The following NUP214 variants were observed in gnomAD, a reference collection of about 807,000 sequenced individuals.
NUP214 encodes the protein nucleoporin 214.
A neutral mutation model predicts 196.2 loss-of-function variants in NUP214; 79 were observed. The observed-to-expected ratio is 0.40, with a 90% confidence interval of 0.34 to 0.49. The LOEUF (loss-of-function observed/expected upper bound fraction) is 0.49, where lower values mean the gene tolerates loss of function less well. Ranked by LOEUF, NUP214 falls within the 20% of genes least tolerant of loss-of-function variation. The pLI, the probability that NUP214 is intolerant of heterozygous loss-of-function variation, is 0.58. For synonymous variants in NUP214, 1,020 were observed against 990.5 expected, an observed-to-expected ratio of 1.03 and a Z score of -0.56; for missense variants, 2,468 against 2,539.0, an observed-to-expected ratio of 0.97 and a Z score of 0.60.
In NUP214 at chr9:131,139,309, A is replaced by G; in HGVS notation, c.1034A>G (p.Asp345Gly). ...QINWESWLLE[D>G]SSRAELPVTD... ...AATTGGGAATCTTGGCTACTGGAGGATTCTAGTCGAGCTGAATTGCCTGTG... is the reference window on the plus strand; with the variant it reads ...AATTGGGAATCTTGGCTACTGGAGGGTTCTAGTCGAGCTGAATTGCCTGTG... Residue 345 changes from aspartate (D) to glycine (G), a missense_variant, in exon 10 of 36, where the codon GAT (aspartate) becomes GGT (glycine). Asp to Gly is a moderately conservative substitution (Grantham distance 94, BLOSUM62 -1). Coordinates refer to ENST00000359428, the MANE Select transcript of NUP214 (RefSeq NM_005085.4). 6.9e-7 allele frequency: 1 copy of G among 1,459,758 alleles called. No homozygotes were observed. The highest frequency in any genetic ancestry group is 9.0e-7 in the Non-Finnish European group (1 of 1,105,818). 90.4% of individuals were successfully genotyped at this position (1,459,758 alleles called of 1,614,324 possible).
intron 1 of NUP214, 22 bp from the exon 2 acceptor site, chr9:131,127,502 T>C: frequency 6.4e-7 from 1 of 1,573,676 alleles, no homozygotes; most frequent in Middle Eastern, 1.7e-4. Flanking sequence ...TGAATTGATC[T>C]CGTTTTGATT....
rs142450352 is a variant in NUP214, at chr9:131,132,115, C to CTTTTTTTTT, written c.664-478_664-477insTTTTTTTTT. ...TGCGTTCATGCGTTTCTTTTCTTTT[C>CTTTTTTTTT]TTTCTTTTTTTTTTTTTTTTGGAGA... is the stretch of plus-strand genomic sequence containing the variant. On this transcript the variant is annotated intron_variant, in intron 5 of 35. Coordinates refer to ENST00000359428, the MANE Select transcript of NUP214 (RefSeq NM_005085.4). Among the ~76,000 whole-genome samples, 18 of 108,144 alleles carry CTTTTTTTTT rather than the reference C, an allele frequency of 1.7e-4. 1 individual carries two copies. The highest frequency in any genetic ancestry group is 2.9e-4 in the East Asian group (1 of 3,462). 70.9% of individuals were successfully genotyped at this position (108,144 alleles called of 152,430 possible).
Position 131,147,712 on chromosome 9 carries a change from G to A in NUP214, c.2040+128G>A, listed in dbSNP as rs1832125738. On this transcript the variant is annotated intron_variant, in intron 14 of 35. Transcript: ENST00000359428. ...ACATAGTAATTGGGACTATGTGATA[G>A]TAAATACCAAAGTGCGAGGTTTGAA... 4.3e-6 allele frequency: 3 copies of A among 704,806 alleles called. No homozygotes were observed. In the East Asian group the frequency reaches 7.9e-5, roughly 19 times the overall value. 43.7% of individuals were successfully genotyped at this position (704,806 alleles called of 1,614,324 possible).
At chr9:131,231,283 C>G (rs573726667) in intron 34 of NUP214, among the ~76,000 whole-genome samples, 234 of 152,230 alleles carry the variant, frequency 1.5e-3, no homozygotes, top group African/African-American at 5.3e-3. Flanking sequence ...AACTCCGCCT[C>G]CCGGGTTCAC....
At chr9:131,211,751 CTT>C (rs1184543727) in intron 30 of NUP214, among the ~76,000 whole-genome samples, 2 of 152,114 alleles carry the variant, frequency 1.3e-5, no homozygotes, top group Non-Finnish European at 2.9e-5. Context: ...CTATGCCTGT[CTT>C]TACTTTAATC....
At chr9:131,225,980 G>A (rs1051168491) in intron 32 of NUP214, among the ~76,000 whole-genome samples, 1 of 152,174 alleles carries the variant, frequency 6.6e-6, no homozygotes, top group Non-Finnish European at 1.5e-5. Flanking sequence ...CTGCTGTCTC[G>A]CTAAAGTGTT....
chr9:131,176,851 T>A (rs1833134901), intron 23 of NUP214, among the ~76,000 whole-genome samples: 1 of 152,142 alleles, frequency 6.6e-6, no homozygotes. Context: ...AGTTCTCAAC[T>A]AGAGGCTGCC....
At chr9:131,226,644 T>C (rs1834732196) in intron 32 of NUP214, among the ~76,000 whole-genome samples, 1 of 152,178 alleles carries the variant, frequency 6.6e-6, no homozygotes, top group Non-Finnish European at 1.5e-5. Flanking sequence ...TCCAGTCTGT[T>C]ATATTTATAA....
At chr9:131,210,874 G>T (rs1345738557) in intron 30 of NUP214, among the ~76,000 whole-genome samples, 1 of 152,154 alleles carries the variant, frequency 6.6e-6, no homozygotes, top group Non-Finnish European at 1.5e-5. Context: ...TCCTAGAAGG[G>T]TAGGAGACAG....
intron 25 of NUP214, 132 bp downstream of exon 25, chr9:131,187,496 C>T (rs915032203): frequency 4.4e-5 from 28 of 641,806 alleles, no homozygotes; most frequent in Non-Finnish European, 6.4e-5. Context: ...AAGTGATTCT[C>T]GTGGCTCAGC....
rs1025798548 is a variant in NUP214, at chr9:131,198,741, G to A, written c.5247G>A (p.Gly1749=). The A allele has an allele frequency of 2.5e-6, 4 of 1,614,184 alleles. No individual in the cohort carries two copies. Among genetic ancestry groups the A allele is most frequent in the Non-Finnish European group, 3.4e-6 (4 of 1,180,026 alleles). ...GTGTCTTTTCCTTCAGTCAGCCTGG[G>A]TTCAGTTCCGTGCCTGCCTTCGGTC... is the stretch of plus-strand genomic sequence containing the variant. The part of the protein sequence containing the change: ...AASVFSFSQP[G]FSSVPAFGQP... Residue 1749 remains glycine, a synonymous_variant, in exon 29 of 36, where the codon GGG becomes GGA. Coordinates refer to ENST00000359428, the MANE Select transcript of NUP214 (RefSeq NM_005085.4).
intron 2 of NUP214, 86 bp downstream of exon 2, chr9:131,127,805 A>C (rs1831409075): frequency 2.1e-6 from 2 of 944,956 alleles, no homozygotes; most frequent in Non-Finnish European, 3.2e-6. Context: ...TCATTCTAAT[A>C]CTAAAATGAA....
chr9:131,142,553 C>T (rs139133243), intron 11 of NUP214, among the ~76,000 whole-genome samples: 60 of 152,286 alleles, frequency 3.9e-4, no homozygotes, highest in African/African-American at 1.4e-3. Context: ...GATGGTTTTC[C>T]AATAATCAGT....
chr9:131,214,591 C>T (rs1834341151), intron 30 of NUP214, among the ~76,000 whole-genome samples: 1 of 152,198 alleles, frequency 6.6e-6, no homozygotes, highest in African/African-American at 2.4e-5. Context: ...GTGTCTGGGA[C>T]CTGACACAGC....
intron 14 of NUP214, among the ~76,000 whole-genome samples, chr9:131,149,060 G>T (rs1218817285): frequency 6.6e-6 from 1 of 152,098 alleles, no homozygotes; most frequent in African/African-American, 2.4e-5. Context: ...AATGTAAAGA[G>T]AATTGTATGT....
rs71265048 is a variant in NUP214, at chr9:131,206,148, C to CTTTTTTT, written c.5592+4439_5592+4445dup. 2.8e-3 allele frequency among the ~76,000 whole-genome samples: 211 copies of CTTTTTTT among 76,378 alleles called. 34 individuals carry two copies. Among genetic ancestry groups the CTTTTTTT allele is most frequent in the African/African-American group, 8.9e-3 (167 of 18,834 alleles). The allele number at this position is 76,378 out of a possible 152,430, so 50.1% of individuals were successfully genotyped here. A position where few individuals can be genotyped will look rare whatever the true frequency, so the allele number is the denominator to read the frequency against. On this transcript the variant is annotated intron_variant, in intron 30 of 35. Transcript: ENST00000359428. ...TCCACATAGAATTTTTTTCTTTTTTCTTTTTTTTTTTTTTGAGACAGGGTT... is the reference window on the plus strand; with the variant it reads ...TCCACATAGAATTTTTTTCTTTTTTCTTTTTTTTTTTTTTTTTTTTTGAGACAGGGTT...
At chr9:131,176,706 C>T (rs891277675) in intron 23 of NUP214, among the ~76,000 whole-genome samples, 18 of 152,134 alleles carry the variant, frequency 1.2e-4, no homozygotes, top group Admixed American at 3.9e-4. Flanking sequence ...CTTAACATTT[C>T]GTCAGTGGCT....
intron 14 of NUP214, among the ~76,000 whole-genome samples, chr9:131,149,024 A>G (rs1033250078): frequency 3.3e-5 from 5 of 152,226 alleles, no homozygotes; most frequent in African/African-American, 4.8e-5. Context: ...TTTGTAGTCC[A>G]TCATCTCAGT....
rs201512836 is a variant in NUP214 at position 131,230,626 on chromosome 9, G to A, written c.6075-4G>A. 126 of 1,613,878 alleles carry A rather than the reference G, an allele frequency of 7.8e-5. No individual in the cohort carries two copies. The Admixed American group carries it at 8.0e-4, about 10-fold the overall frequency. The stretch of plus-strand genomic sequence containing the variant: ...ACCTCAGTCTGTTTCTCACTGGAGC[G>A]CAGGTTTGGGAGCAGCAGCAACACC... On this transcript the variant is annotated splice_region_variant and splice_polypyrimidine_tract_variant and intron_variant, in intron 33 of 35. Transcript: ENST00000359428.
Sources: allele counts gnomAD v4.1 joint callset (sites outside exome capture counted in the v4.1 genomes callset), GRCh38; gene constraint gnomAD v4.1.1; transcripts MANE v1.5; gene names NCBI Gene and HGNC (gene_info 2026-07-23, HGNC 2026-07-21).